The following GEMIN8 variants were observed in gnomAD, a reference collection of about 807,000 sequenced individuals.
The protein encoded by GEMIN8 is gem nuclear organelle associated protein 8, also known as gem-associated protein 8.
For synonymous variants in GEMIN8, 80 were observed against 78.5 expected (o/e 1.02, Z -0.10); for missense variants, 185 against 205.9 (o/e 0.90, Z 0.62).
At chrX:14,018,922 A>G (rs982575070) in intron 4 of GEMIN8, among the ~76,000 whole-genome samples, 17 of 109,753 alleles carry the variant, frequency 1.5e-4, no homozygotes, top group Non-Finnish European at 2.8e-4. Context: ...CTGGCTGGAT[A>G]TACTTTCTAA....
At chrX:14,028,092 C>G (rs1252119685) in intron 1 of GEMIN8, among the ~76,000 whole-genome samples, 4 of 112,198 alleles carry the variant, frequency 3.6e-5, no homozygotes, top group Non-Finnish European at 5.6e-5. Context: ...TAAACATATT[C>G]ACGGTAATTC....
intron 1 of GEMIN8, among the ~76,000 whole-genome samples, chrX:14,028,174 C>T (rs1214906253): frequency 8.9e-6 from 1 of 112,119 alleles, no homozygotes; most frequent in African/African-American, 3.2e-5. Flanking sequence ...TACTCAGTTA[C>T]CTGTAGGCAT....
chrX:14,020,348 T>G lies in GEMIN8; in HGVS notation c.202A>C (p.Asn68His). ...AAGGACTGAGGATACGCAGCCTCAT[T>G]ATCGTAAGAGCTTTGGGGAAGAAGC... Reference protein sequence around the residue: ...SALLPQSSYDNEAAYPQSFYD... With the variant: ...SALLPQSSYDHEAAYPQSFYD... Residue 68 changes from asparagine (N) to histidine (H), a missense_variant, in exon 4 of 5, where the codon AAT becomes CAT. Physicochemically the swap from Asn to His is moderately conservative, Grantham distance 68. Transcript: ENST00000680255. 1 of 1,210,558 alleles carries G rather than the reference T, an allele frequency of 8.3e-7. No individual in the cohort carries two copies. The highest frequency in any genetic ancestry group is 1.1e-6 in the Non-Finnish European group (1 of 894,415).
At chrX:14,009,276 A>G (rs1386124467) in intron 4 of GEMIN8, 107 bp from the exon 5 acceptor site, 2 of 767,268 alleles carry the variant, frequency 2.6e-6, no homozygotes, top group Middle Eastern at 3.3e-4. Flanking sequence ...GCAGCCCCCT[A>G]AGGTCCCTCA....
chrX:14,020,310 A>T lies in GEMIN8; in HGVS notation c.240T>A (p.His80Gln). Residue 80 changes from histidine to glutamine, a missense_variant, in exon 4 of 5, where the codon CAT (histidine) becomes CAA (glutamine). Transcript: ENST00000680255. ...TGCAGGGGTAGTCCTGCCAGGCCAC[A>T]TGATGGTCATAGAAGGACTGAGGAT... ...AAYPQSFYDH[H>Q]VAWQDYPCSS... 1.7e-6 allele frequency: 2 copies of T among 1,209,002 alleles called. No homozygotes were observed. The highest frequency in any genetic ancestry group is 1.1e-6 in the Non-Finnish European group (1 of 892,746).
Position 14,028,643 on chromosome X carries a change from T to C in GEMIN8, c.-116+1134A>G, listed in dbSNP as rs56926749. Reference sequence around the variant, plus strand: ...TTAAAAAAAAACCCAAAATGATTAATCACCATCTATAGAACAGTTTCAGAA... The same window carrying C: ...TTAAAAAAAAACCCAAAATGATTAACCACCATCTATAGAACAGTTTCAGAA... On this transcript the variant is annotated intron_variant, in intron 1 of 4. Transcript: ENST00000680255. Among the ~76,000 whole-genome samples the C allele has an allele frequency of 5.3e-3, 594 of 111,318 alleles. 3 individuals are homozygous for C. The highest frequency in any genetic ancestry group is 0.018 in the African/African-American group (556 of 30,653).
At chrX:14,010,408 C>T (rs1279310071) in intron 4 of GEMIN8, among the ~76,000 whole-genome samples, 2 of 111,792 alleles carry the variant, frequency 1.8e-5, no homozygotes, top group African/African-American at 3.3e-5. Flanking sequence ...CACATATCCA[C>T]GGCTACTATG....
At chrX:14,016,866 A>AAAAAT (rs1555947311) in intron 4 of GEMIN8, among the ~76,000 whole-genome samples, 3 of 57,166 alleles carry the variant, frequency 5.2e-5, no homozygotes, top group Non-Finnish European at 9.0e-5. Flanking sequence ...AAAAAAAAAA[A>AAAAAT]ATATATATAT....
chrX:13,996,622 A>G, the GEMIN8 span, among the ~76,000 whole-genome samples: 3 of 112,290 alleles, frequency 2.7e-5, no homozygotes, highest in Admixed American at 1.9e-4. Flanking sequence ...ATCCATAGTT[A>G]CATAGGAGCT....
At chrX:14,027,603 T>C (rs1924762294) in intron 1 of GEMIN8, among the ~76,000 whole-genome samples, 1 of 112,776 alleles carries the variant, frequency 8.9e-6, no homozygotes, top group South Asian at 3.6e-4. Flanking sequence ...ATAAGTACTG[T>C]CACAAAGAAG....
At chrX:13,988,267 C>T in the GEMIN8 span, among the ~76,000 whole-genome samples, 190 of 111,582 alleles carry the variant, frequency 1.7e-3, no homozygotes, top group Middle Eastern at 0.014. Flanking sequence ...GACAACCTCC[C>T]TCCCACAGGG....
chrX:13,986,400 A>G, the GEMIN8 span, among the ~76,000 whole-genome samples: 2 of 112,391 alleles, frequency 1.8e-5, no homozygotes, highest in Non-Finnish European at 3.8e-5. Context: ...TACTTCTCTA[A>G]TGTCAAAGTC....
chrX:14,001,091 C>G, the GEMIN8 span, among the ~76,000 whole-genome samples: 1 of 111,950 alleles, frequency 8.9e-6, no homozygotes, highest in East Asian at 2.8e-4. Context: ...GAAAAATTTA[C>G]TACGAAATTT....
At chrX:14,016,867 AT>A (rs1365766673) in intron 4 of GEMIN8, among the ~76,000 whole-genome samples, 2,240 of 40,654 alleles carry the variant, frequency 0.055, 83 homozygotes, top group African/African-American at 0.1. Flanking sequence ...AAAAAAAAAA[AT>A]ATATATATAT....
rs760050889 is a variant in GEMIN8, at chrX:14,014,670, TTGAC to T, written c.472+5404_472+5407del. 7.0e-4 allele frequency: 157 copies of T among 225,593 alleles called. 1 individual carries two copies. Among genetic ancestry groups the T allele is most frequent in the African/African-American group, 4.6e-3 (151 of 32,956 alleles). The allele number at this position is 225,593 out of a possible 1,213,427, so 18.6% of individuals were successfully genotyped here. On this transcript the variant is annotated intron_variant, in intron 4 of 4. Transcript: ENST00000680255. ...AAACTTCACCGGGTTCTCTCTAGGT[TTGAC>T]TGACTAAAGGCTCACTATGAAAACT... is the stretch of plus-strand genomic sequence containing the variant.
the GEMIN8 span, among the ~76,000 whole-genome samples, chrX:13,998,593 A>G: frequency 2.7e-5 from 3 of 111,294 alleles, no homozygotes; most frequent in Non-Finnish European, 5.7e-5. Flanking sequence ...AAAATAAGTT[A>G]CCCAGTCTCA....
At chrX:14,012,195 G>A (rs1207917646) in intron 4 of GEMIN8, among the ~76,000 whole-genome samples, 1 of 105,289 alleles carries the variant, frequency 9.5e-6, no homozygotes, top group African/African-American at 3.5e-5. Context: ...TTGGCTCACT[G>A]CAACCTCTGC....
At chrX:13,989,201 G>A in the GEMIN8 span, among the ~76,000 whole-genome samples, 27 of 110,967 alleles carry the variant, frequency 2.4e-4, no homozygotes, top group South Asian at 9.7e-3. Flanking sequence ...GGATGCTCCC[G>A]CCTCAGCCTC....
intron 4 of GEMIN8, among the ~76,000 whole-genome samples, chrX:14,011,522 T>C (rs1469237932): frequency 3.8e-4 from 31 of 81,833 alleles, no homozygotes; most frequent in Admixed American, 6.3e-4. Flanking sequence ...CTCTCTTTTT[T>C]TTTTTTTTTT....
Sources: allele counts gnomAD v4.1 joint callset (sites outside exome capture counted in the v4.1 genomes callset), GRCh38; gene constraint gnomAD v4.1.1; transcripts MANE v1.5; gene names NCBI Gene and HGNC (gene_info 2026-07-23, HGNC 2026-07-21).